Variants in ALK observed in about 807,000 individuals in gnomAD.
ALK encodes the protein ALK receptor tyrosine kinase, also known as ALK tyrosine kinase receptor.
ALK carries 74 observed loss-of-function variants against 163.1 expected under a neutral mutation model. That is an observed-to-expected ratio of 0.45 (90% confidence interval 0.38 to 0.55). ALK has a LOEUF of 0.55. ALK is among the 20% of genes least tolerant of loss of function. ALK has a pLI of 0.00. For missense variants in ALK, 2,063 were observed against 2,105.3 expected, an observed-to-expected ratio of 0.98 and a Z score of 0.39; for synonymous variants, 960 against 843.2, an observed-to-expected ratio of 1.14 and a Z score of -2.40.
In ALK at chr2:29,678,811, C is replaced by T. The variant is rs77298249; in HGVS notation, c.952+16039G>A. Among the ~76,000 whole-genome samples, 1,105 of 151,434 alleles carry T rather than the reference C, an allele frequency of 7.3e-3. 14 individuals carry two copies. The highest frequency in any genetic ancestry group is 0.026 in the African/African-American group (1,071 of 41,324). ...CTTTCTTTATGGCCTGGCATATGGT[C>T]TATATTGAAGAATGTTCTCTGTTTA... On this transcript the variant is annotated intron_variant, in intron 3 of 28. Coordinates refer to ENST00000389048, the MANE Select transcript of ALK (RefSeq NM_004304.5).
At chr2:29,869,423 T>A (rs1467772510) in intron 1 of ALK, among the ~76,000 whole-genome samples, 1 of 152,188 alleles carries the variant, frequency 6.6e-6, no homozygotes, top group East Asian at 1.9e-4. Flanking sequence ...GTCTCAATAT[T>A]ACCCCTAACA....
At chr2:29,777,984 C>T (rs974668911) in intron 1 of ALK, among the ~76,000 whole-genome samples, 1 of 152,192 alleles carries the variant, frequency 6.6e-6, no homozygotes, top group Admixed American at 6.5e-5. Flanking sequence ...CAGTGATGCT[C>T]AGATGCAAAA....
At chr2:29,813,758 T>C (rs747069255) in intron 1 of ALK, among the ~76,000 whole-genome samples, 7 of 152,140 alleles carry the variant, frequency 4.6e-5, no homozygotes, top group Non-Finnish European at 1.0e-4. Context: ...ACTCAGTCTG[T>C]TCTCCTTGTG....
intron 4 of ALK, among the ~76,000 whole-genome samples, chr2:29,514,310 C>T: frequency 6.8e-6 from 1 of 147,806 alleles, no homozygotes; most frequent in Admixed American, 6.8e-5. Context: ...CCATGGAATA[C>T]TATGCAGCCA....
chr2:29,772,738 A>G (rs1681062440), intron 1 of ALK, among the ~76,000 whole-genome samples: 1 of 152,200 alleles, frequency 6.6e-6, no homozygotes, highest in Non-Finnish European at 1.5e-5. Context: ...CTTATACACT[A>G]TTTGCTTTTT....
chr2:29,738,635 A>C (rs1335410921), intron 1 of ALK, among the ~76,000 whole-genome samples: 6 of 152,086 alleles, frequency 3.9e-5, no homozygotes, highest in Non-Finnish European at 8.8e-5. Flanking sequence ...GGAAAAGAGA[A>C]TCAAATGAAG....
chr2:29,847,656 C>A (rs147517180), intron 1 of ALK, among the ~76,000 whole-genome samples: 9 of 152,006 alleles, frequency 5.9e-5, no homozygotes, highest in South Asian at 2.1e-4. Flanking sequence ...GAAAAAAGAA[C>A]GGGAAAATAG....
chr2:29,724,433 G>A (rs1177210855), intron 1 of ALK, among the ~76,000 whole-genome samples: 1 of 152,194 alleles, frequency 6.6e-6, no homozygotes, highest in Non-Finnish European at 1.5e-5. Flanking sequence ...GTACAGGGCA[G>A]GCCTGTTTTT....
At chr2:29,273,070 AT>A (rs1233866927) in intron 11 of ALK, among the ~76,000 whole-genome samples, 3 of 152,168 alleles carry the variant, frequency 2.0e-5, no homozygotes, top group African/African-American at 7.2e-5. Context: ...CCTCTGGCCT[AT>A]CCCTCTGTCC....
chr2:29,277,141 C>T (rs1031299274), intron 9 of ALK, among the ~76,000 whole-genome samples: 1 of 152,030 alleles, frequency 6.6e-6, no homozygotes, highest in African/African-American at 2.4e-5. Flanking sequence ...CAGGGTACAA[C>T]AAGGACAAGA....
At chr2:29,812,806 G>A (rs1368484194) in intron 1 of ALK, among the ~76,000 whole-genome samples, 2 of 152,180 alleles carry the variant, frequency 1.3e-5, no homozygotes, top group African/African-American at 4.8e-5. Flanking sequence ...ACGTAGTCAT[G>A]CTCATGGATC....
At chr2:29,656,618 C>T (rs1051316467) in intron 3 of ALK, among the ~76,000 whole-genome samples, 9 of 152,144 alleles carry the variant, frequency 5.9e-5, no homozygotes, top group Non-Finnish European at 1.0e-4. Context: ...CTATTATTGT[C>T]TCCATTTTAC....
intron 1 of ALK, among the ~76,000 whole-genome samples, chr2:29,768,618 G>A (rs1426286008): frequency 6.6e-6 from 1 of 151,610 alleles, no homozygotes; most frequent in East Asian, 1.9e-4. Flanking sequence ...AATTTGACCA[G>A]GTAATTAAAA....
At position 29,426,007 on chromosome 2, in the gene ALK, C is replaced by T. The variant is rs552502824; in HGVS notation, c.1155-42148G>A. Among the ~76,000 whole-genome samples the T allele has an allele frequency of 3.1e-3, 475 of 152,286 alleles. 4 individuals carry two copies. The highest frequency in any genetic ancestry group is 3.1e-3 in the Non-Finnish European group (209 of 68,022). On this transcript the variant is annotated intron_variant, in intron 4 of 28. Transcript: ENST00000389048. ...AAAATTATGTCTGTAAAGGGACTCA[C>T]ATTTAATTGGATCAGACTGTGGCGC...
At chr2:29,790,596 T>G (rs1479809523) in intron 1 of ALK, among the ~76,000 whole-genome samples, 1 of 152,192 alleles carries the variant, frequency 6.6e-6, no homozygotes, top group Non-Finnish European at 1.5e-5. Context: ...CACAAAATCT[T>G]TCTTTGAGAT....
intron 4 of ALK, among the ~76,000 whole-genome samples, chr2:29,478,420 G>C (rs1355235656): frequency 6.6e-6 from 1 of 152,268 alleles, no homozygotes; most frequent in Non-Finnish European, 1.5e-5. Flanking sequence ...GAAAGGTAGG[G>C]TGAGTGCTCC....
chr2:29,271,612 A>G (rs1665387127), intron 11 of ALK, among the ~76,000 whole-genome samples: 1 of 152,222 alleles, frequency 6.6e-6, no homozygotes, highest in Admixed American at 6.5e-5. Context: ...CTGTGTTCAC[A>G]TTAACCCCCC....
At chr2:29,500,267 C>G (rs868396335) in intron 4 of ALK, among the ~76,000 whole-genome samples, 3 of 152,164 alleles carry the variant, frequency 2.0e-5, no homozygotes, top group Non-Finnish European at 2.9e-5. Flanking sequence ...CGGTACTGTT[C>G]TTGTGATAGT....
intron 1 of ALK, among the ~76,000 whole-genome samples, chr2:29,741,023 A>G (rs866669994): frequency 2.6e-5 from 4 of 152,198 alleles, no homozygotes; most frequent in Non-Finnish European, 2.9e-5. Flanking sequence ...AAGTAAAATA[A>G]AAAAGAGAAA....
Sources: gnomAD v4.1 joint callset for allele counts (sites outside exome capture counted in the v4.1 genomes callset) on GRCh38, gnomAD v4.1.1 for gene constraint, MANE v1.5 for transcripts, NCBI Gene and HGNC (gene_info 2026-07-23, HGNC 2026-07-21) for gene names.